GALNT17: variants seen among roughly 807,000 people sequenced by gnomAD.
GALNT17 encodes UDP-GalNAc:polypeptide N-acetylgalactosaminyltransferase-like 3.
A neutral mutation model predicts 63.7 loss-of-function variants in GALNT17; 29 were observed. The observed-to-expected ratio is 0.46, with a 90% CI of 0.34 to 0.62. The LOEUF (loss-of-function observed/expected upper bound fraction) is 0.62, where lower values mean the gene tolerates loss of function less well. GALNT17 is among the 20% of genes least tolerant of loss of function. The pLI is 0.01. For missense variants in GALNT17, 603 were observed against 799.6 expected, an observed-to-expected ratio of 0.75 and a Z score of 2.97; for synonymous variants, 305 against 318.3, an observed-to-expected ratio of 0.96 and a Z score of 0.45.
chr7:71,313,342 G>T (rs543347721), intron 1 of GALNT17, among the ~76,000 whole-genome samples: 4 of 152,242 alleles, frequency 2.6e-5, no homozygotes, highest in Admixed American at 1.3e-4. Context: ...TTAAATTCCA[G>T]GAAGGCAAGG....
rs556332108 is a variant in GALNT17 at position 71,132,563 on chromosome 7, G to A, written c.-240G>A. On this transcript the variant is annotated 5_prime_UTR_variant, in exon 1 of 11. Transcript: ENST00000333538. ...GGGCCGTGCGCCGTGGACTGAGCAG[G>A]CGTCTCGGGGAGCACTTCTGCAGAG... The A allele has an allele frequency of 1.5e-5, 8 of 523,236 alleles. No individual in the cohort carries two copies. The highest frequency in any genetic ancestry group is 2.7e-5 in the Non-Finnish European group (8 of 297,178). 32.4% of individuals were successfully genotyped at this position (523,236 alleles called of 1,614,324 possible). A position where few individuals can be genotyped will look rare whatever the true frequency, so the allele number is the denominator to read the frequency against.
intron 5 of GALNT17, among the ~76,000 whole-genome samples, chr7:71,565,823 A>ATT (rs35668413): frequency 7.0e-6 from 1 of 143,868 alleles, no homozygotes; most frequent in African/African-American, 2.6e-5. Context: ...AAGAAGCTGC[A>ATT]TTTTTTTTTC....
At chr7:71,652,262 G>T (rs965478044) in intron 6 of GALNT17, among the ~76,000 whole-genome samples, 3 of 151,916 alleles carry the variant, frequency 2.0e-5, no homozygotes, top group African/African-American at 7.3e-5. Flanking sequence ...TACCACCGCG[G>T]TACTTAAATT....
At chr7:71,165,927 C>G (rs867414891) in intron 1 of GALNT17, among the ~76,000 whole-genome samples, 5 of 150,322 alleles carry the variant, frequency 3.3e-5, no homozygotes, top group South Asian at 2.1e-4. Flanking sequence ...AGTCAGTGTG[C>G]AAGGATGTTA....
chr7:71,465,104 T>C (rs767473768), intron 5 of GALNT17, among the ~76,000 whole-genome samples: 2 of 152,168 alleles, frequency 1.3e-5, no homozygotes, highest in East Asian at 3.9e-4. Context: ...AGGTGACCAA[T>C]GGCCACAGAC....
intron 1 of GALNT17, among the ~76,000 whole-genome samples, chr7:71,268,622 A>G (rs1790533649): frequency 6.6e-6 from 1 of 152,110 alleles, no homozygotes; most frequent in African/African-American, 2.4e-5. Flanking sequence ...GCTGCCTGCC[A>G]GAGGAGGCTG....
At chr7:71,433,996 A>G (rs1786914944) in intron 5 of GALNT17, among the ~76,000 whole-genome samples, 1 of 152,148 alleles carries the variant, frequency 6.6e-6, no homozygotes, top group Admixed American at 6.5e-5. Flanking sequence ...TCTGGCCTCC[A>G]TCTTTTTCCT....
Position 71,132,773 on chromosome 7 carries a change from G to A in GALNT17, c.-30G>A. On this transcript the variant is annotated 5_prime_UTR_variant, in exon 1 of 11. Transcript: ENST00000333538. ...CTCGCCGGAGCCCGAGGGGGCGCAG[G>A]TCCGGGGCGAGGGCCGGCCGGGCTG... The A allele has an allele frequency of 1.3e-6, 2 of 1,558,520 alleles. No individual in the cohort carries two copies. Among genetic ancestry groups the A allele is most frequent in the Admixed American group, 1.9e-5 (1 of 53,874 alleles).
chr7:71,236,156 GGGTA>G (rs1175099488), intron 1 of GALNT17, among the ~76,000 whole-genome samples: 2 of 151,690 alleles, frequency 1.3e-5, no homozygotes, highest in Non-Finnish European at 2.9e-5. Flanking sequence ...ACTTCAGCCT[GGGTA>G]GACAGAGTGA....
intron 1 of GALNT17, among the ~76,000 whole-genome samples, chr7:71,292,653 CAGAG>C (rs776918310): frequency 0.014 from 1,800 of 127,150 alleles, 38 homozygotes; most frequent in African/African-American, 0.039. Flanking sequence ...GAGAGAGAGA[CAGAG>C]AGAGAGAGAG....
intron 6 of GALNT17, among the ~76,000 whole-genome samples, chr7:71,611,666 C>T (rs905821069): frequency 6.6e-6 from 1 of 151,888 alleles, no homozygotes; most frequent in Admixed American, 6.6e-5. Context: ...CACGCACTTG[C>T]ATGGTGGCAT....
chr7:71,240,644 A>G (rs1789975966), intron 1 of GALNT17, among the ~76,000 whole-genome samples: 2 of 151,326 alleles, frequency 1.3e-5, no homozygotes, highest in African/African-American at 4.9e-5. Flanking sequence ...TCCATGGCGT[A>G]TACGTACCAT....
intron 1 of GALNT17, among the ~76,000 whole-genome samples, chr7:71,203,355 C>T (rs1389908435): frequency 1.4e-4 from 22 of 152,162 alleles, no homozygotes; most frequent in Admixed American, 1.4e-3. Context: ...GAGGTAAAAT[C>T]TCATTGTGTT....
At chr7:71,368,592 C>T (rs1034763947) in intron 2 of GALNT17, among the ~76,000 whole-genome samples, 14 of 152,044 alleles carry the variant, frequency 9.2e-5, no homozygotes, top group Non-Finnish European at 1.6e-4. Flanking sequence ...CGTCTCTTGT[C>T]GCATTTATCC....
intron 5 of GALNT17, among the ~76,000 whole-genome samples, chr7:71,447,457 C>T (rs1326670706): frequency 6.6e-6 from 1 of 152,026 alleles, no homozygotes; most frequent in Non-Finnish European, 1.5e-5. Flanking sequence ...CATTTTCTGA[C>T]ATAGAATGCT....
At chr7:71,400,287 G>T (rs752586815) in intron 3 of GALNT17, among the ~76,000 whole-genome samples, 1 of 152,120 alleles carries the variant, frequency 6.6e-6, no homozygotes, top group South Asian at 2.1e-4. Flanking sequence ...TGCTCAGAAT[G>T]ATGGTTTCCA....
chr7:71,377,680 C>A (rs1439651833), intron 2 of GALNT17, among the ~76,000 whole-genome samples: 9 of 152,126 alleles, frequency 5.9e-5, no homozygotes, highest in Admixed American at 5.9e-4. Context: ...AATCGTAATC[C>A]CCATGTGTCA....
rs1288086861 is a variant in GALNT17 at position 71,301,378 on chromosome 7, TATA to T, written c.239-34165_239-34163del. Among the ~76,000 whole-genome samples, 31 of 147,294 alleles carry T rather than the reference TATA, an allele frequency of 2.1e-4. No individual in the cohort carries two copies. The East Asian group carries it at 4.1e-3, about 19-fold the overall frequency. ...TATTTAATATATACTAATAATTATATATAATAATATATAATAAAATATATATTT... is the reference window on the plus strand; with the variant it reads ...TATTTAATATATACTAATAATTATATATAATATATAATAAAATATATATTT... On this transcript the variant is annotated intron_variant, in intron 1 of 10. Coordinates refer to ENST00000333538, the MANE Select transcript of GALNT17 (RefSeq NM_022479.3).
chr7:71,695,800 G>C lies in GALNT17; in HGVS notation c.1501-14961G>C, dbSNP rs140613078. Among the ~76,000 whole-genome samples, 409 of 152,276 alleles carry C rather than the reference G, an allele frequency of 2.7e-3. 2 individuals are homozygous for C. Among genetic ancestry groups the C allele is most frequent in the African/African-American group, 9.4e-3 (389 of 41,562 alleles). The stretch of plus-strand genomic sequence containing the variant: ...CTCTGTAGATGTCTACAGGCCCCTG[G>C]AGACAGAGCATCTTCTCAGGCCTGT... On this transcript the variant is annotated intron_variant, in intron 9 of 10. Coordinates refer to ENST00000333538, the MANE Select transcript of GALNT17 (RefSeq NM_022479.3).
Sources: gnomAD v4.1 joint callset for allele counts (sites outside exome capture counted in the v4.1 genomes callset) on GRCh38, gnomAD v4.1.1 for gene constraint, MANE v1.5 for transcripts, NCBI Gene and HGNC (gene_info 2026-07-23, HGNC 2026-07-21) for gene names.